Variants in SIK3 observed in about 807,000 individuals in gnomAD.
SIK3 encodes the protein SIK family kinase 3, also known as serine/threonine-protein kinase SIK3.
A neutral mutation model predicts 144.2 loss-of-function variants in SIK3; 28 were observed. The ratio of observed to expected loss-of-function variants is 0.19; its 90% CI spans 0.14 to 0.27. SIK3 has a LOEUF of 0.27. Ranked by LOEUF, SIK3 falls within the 10% of genes least tolerant of loss-of-function variation. The pLI is 1.00. For missense variants in SIK3, 1,319 were observed against 1,776.0 expected (o/e 0.74, Z 4.62); for synonymous variants, 686 against 676.3 (o/e 1.01, Z -0.22).
intron 1 of SIK3, among the ~76,000 whole-genome samples, chr11:117,001,656 C>T (rs549531562): frequency 2.0e-5 from 3 of 152,162 alleles, no homozygotes; most frequent in South Asian, 2.1e-4. Flanking sequence ...AACTCCAGCC[C>T]GGGCAACAGA....
At chr11:117,051,594 T>C (rs1591613980) in intron 1 of SIK3, among the ~76,000 whole-genome samples, 1 of 152,090 alleles carries the variant, frequency 6.6e-6, no homozygotes, top group East Asian at 2.0e-4. Flanking sequence ...AATGGCGCAA[T>C]CTCAGCTCAC....
rs189888201 is a variant in SIK3 at position 116,969,108 on chromosome 11, G to A, written c.274-12044C>T. On this transcript the variant is annotated intron_variant, in intron 1 of 24. Transcript: ENST00000445177. The stretch of plus-strand genomic sequence containing the variant: ...GATTGAGACCATCCTGGCTAACACG[G>A]TGAAACCTCGTCTCTACTGAAAATA... Among the ~76,000 whole-genome samples, 303 of 152,064 alleles carry A rather than the reference G, an allele frequency of 2.0e-3. 1 individual carries two copies. Among genetic ancestry groups the A allele is most frequent in the South Asian group, 6.9e-3 (33 of 4,806 alleles).
intron 1 of SIK3, among the ~76,000 whole-genome samples, chr11:117,057,236 T>C (rs933668036): frequency 6.6e-6 from 1 of 152,194 alleles, no homozygotes. Context: ...CCTGGAAGTA[T>C]AAAACGTTAA....
At chr11:116,896,194 A>G in intron 6 of SIK3, 59 bp downstream of exon 6, 1 of 1,594,998 alleles carries the variant, frequency 6.3e-7, no homozygotes, top group Non-Finnish European at 8.6e-7. Flanking sequence ...TCCTGGGATA[A>G]CTGAGTGGGT....
At chr11:116,931,211 C>T (rs1473205460) in intron 3 of SIK3, among the ~76,000 whole-genome samples, 2 of 152,112 alleles carry the variant, frequency 1.3e-5, no homozygotes, top group Non-Finnish European at 2.9e-5. Flanking sequence ...TACAGGAAAT[C>T]GATTTTGAAT....
At chr11:117,078,983 G>T (rs1421928351) in intron 1 of SIK3, among the ~76,000 whole-genome samples, 1 of 125,056 alleles carries the variant, frequency 8.0e-6, no homozygotes, top group South Asian at 2.4e-4. Flanking sequence ...AATTAAGTAT[G>T]ATATCCTAAA....
At chr11:116,930,007 T>C (rs150540860) in intron 3 of SIK3, among the ~76,000 whole-genome samples, 1 of 152,240 alleles carries the variant, frequency 6.6e-6, no homozygotes, top group East Asian at 1.9e-4. Context: ...AGTACCCCTA[T>C]AGTTATAGAT....
intron 1 of SIK3, among the ~76,000 whole-genome samples, chr11:117,037,245 G>A (rs1041196262): frequency 3.3e-5 from 5 of 152,184 alleles, no homozygotes; most frequent in African/African-American, 1.2e-4. Flanking sequence ...GATTCTGAGA[G>A]TTAGGAAATC....
intron 3 of SIK3, among the ~76,000 whole-genome samples, chr11:116,928,481 T>C (rs1020367541): frequency 4.6e-5 from 7 of 152,230 alleles, no homozygotes; most frequent in African/African-American, 1.4e-4. Flanking sequence ...ATAAATATAT[T>C]GTGATTTATC....
At chr11:116,864,098 A>G (rs970752359) in intron 15 of SIK3, 3 of 263,372 alleles carry the variant, frequency 1.1e-5, no homozygotes, top group Non-Finnish European at 2.2e-5. Context: ...TCTTATAAAT[A>G]CACTAGGCCA....
At chr11:116,940,922 G>C (rs1165771715) in intron 3 of SIK3, among the ~76,000 whole-genome samples, 1 of 152,148 alleles carries the variant, frequency 6.6e-6, no homozygotes, top group African/African-American at 2.4e-5. Context: ...TTTTGATTCA[G>C]AGTGACTAAA....
chr11:116,962,752 C>T (rs567903400), intron 1 of SIK3, among the ~76,000 whole-genome samples: 8 of 151,918 alleles, frequency 5.3e-5, no homozygotes, highest in Non-Finnish European at 8.8e-5. Flanking sequence ...AAAATATATA[C>T]CAGATTTCAA....
chr11:116,969,497 T>C (rs1324666008), intron 1 of SIK3, among the ~76,000 whole-genome samples: 1 of 151,828 alleles, frequency 6.6e-6, no homozygotes, highest in African/African-American at 2.4e-5. Context: ...TATTTAAAAG[T>C]CTTTGTGCAA....
At chr11:117,095,226 C>T (rs1479696407) in intron 1 of SIK3, among the ~76,000 whole-genome samples, 4 of 145,568 alleles carry the variant, frequency 2.7e-5, no homozygotes, top group African/African-American at 1.0e-4. Context: ...GGAGGGGGAT[C>T]ATAATTATTT....
At chr11:116,947,170 T>TATTATTTATATATAATATATAATATATGA (rs1565486974) in intron 3 of SIK3, among the ~76,000 whole-genome samples, 3 of 116,622 alleles carry the variant, frequency 2.6e-5, no homozygotes, top group Non-Finnish European at 4.9e-5. Flanking sequence ...ATATATAAAT[T>TATTATTTATATATAATATATAATATATGA]ATTATTTATA....
intron 1 of SIK3, among the ~76,000 whole-genome samples, chr11:117,078,414 CTTTT>C (rs752116300): frequency 7.6e-6 from 1 of 131,494 alleles, no homozygotes. Context: ...TGCATAACAC[CTTTT>C]TTTTTTTTTT....
chr11:116,879,709 C>T (rs1288839877), intron 6 of SIK3, among the ~76,000 whole-genome samples: 1 of 152,214 alleles, frequency 6.6e-6, no homozygotes, highest in Non-Finnish European at 1.5e-5. Context: ...CATCAGGCAT[C>T]AATTTGTTGT....
chr11:117,001,799 C>T (rs1266309157), intron 1 of SIK3, among the ~76,000 whole-genome samples: 2 of 152,206 alleles, frequency 1.3e-5, no homozygotes, highest in Admixed American at 6.5e-5. Context: ...AGTCTTCTAA[C>T]AATTAATGAG....
chr11:117,097,932 G>A (rs1955552573), intron 1 of SIK3, among the ~76,000 whole-genome samples: 1 of 151,554 alleles, frequency 6.6e-6, no homozygotes, highest in South Asian at 2.1e-4. Context: ...GGTGCTCTGT[G>A]CCCTCGGCCC....
Sources: allele counts gnomAD v4.1 joint callset (sites outside exome capture counted in the v4.1 genomes callset), GRCh38; gene constraint gnomAD v4.1.1; transcripts MANE v1.5; gene names NCBI Gene and HGNC (gene_info 2026-07-23, HGNC 2026-07-21).